The following SYT1 variants were observed in gnomAD, a reference collection of about 807,000 sequenced individuals.
SYT1 encodes the protein synaptotagmin 1.
Under a neutral mutation model 44.8 loss-of-function variants are expected in SYT1, and 8 were observed. That is an observed-to-expected ratio of 0.18 (90% CI 0.10 to 0.32). The LOEUF (loss-of-function observed/expected upper bound fraction) is 0.32. SYT1 is among the 10% of genes least tolerant of loss of function. The pLI, the probability that SYT1 is intolerant of heterozygous loss-of-function variation, is 1.00. For synonymous variants in SYT1, 154 were observed against 188.8 expected (o/e 0.82, Z 1.51); for missense variants, 286 against 509.3 (o/e 0.56, Z 4.22).
intron 1 of SYT1, among the ~76,000 whole-genome samples, chr12:78,867,515 C>G (rs1207929864): frequency 6.6e-6 from 1 of 151,948 alleles, no homozygotes; most frequent in Non-Finnish European, 1.5e-5. Context: ...ACAAAATAGT[C>G]TAATGTCACA....
chr12:79,406,487 A>G (rs1306422663), intron 9 of SYT1, among the ~76,000 whole-genome samples: 2 of 152,192 alleles, frequency 1.3e-5, no homozygotes, highest in Non-Finnish European at 2.9e-5. Context: ...GTTTGAAGAG[A>G]ACCAAGAAAT....
intron 1 of SYT1, among the ~76,000 whole-genome samples, chr12:78,959,992 T>C (rs1013283495): frequency 5.9e-5 from 9 of 152,166 alleles, no homozygotes; most frequent in Non-Finnish European, 1.0e-4. Context: ...TAGGAAAAAC[T>C]GCATTCCAGA....
chr12:79,323,219 C>T (rs1186303864), intron 8 of SYT1, among the ~76,000 whole-genome samples: 3 of 151,814 alleles, frequency 2.0e-5, no homozygotes, highest in African/African-American at 4.8e-5. Context: ...ATGGTAACAG[C>T]ACTTGGGTTT....
chr12:78,946,763 C>G (rs1044803842), intron 1 of SYT1, among the ~76,000 whole-genome samples: 3 of 151,838 alleles, frequency 2.0e-5, no homozygotes, highest in Admixed American at 6.6e-5. Flanking sequence ...ATTCTTAAAC[C>G]CACTAAACTC....
intron 8 of SYT1, among the ~76,000 whole-genome samples, chr12:79,307,978 G>A (rs73351066): frequency 0.011 from 1,618 of 152,286 alleles, 31 homozygotes; most frequent in African/African-American, 0.037. Context: ...GTGCTGAAAT[G>A]AAAGGTGAAC....
rs1197934853 is a variant in SYT1 at position 79,342,039 on chromosome 12, C to T, written c.811-11463C>T. 3.9e-5 allele frequency among the ~76,000 whole-genome samples: 6 copies of T among 151,954 alleles called. No homozygotes were observed. In the East Asian group the frequency reaches 7.7e-4, roughly 20 times the overall value. ...GTGAAGCCTCTGAAAGTGTAGGTGG[C>T]GTGGCACAGTTAATGATATAAAGAA... On this transcript the variant is annotated intron_variant, in intron 8 of 10. Coordinates refer to ENST00000261205, the MANE Select transcript of SYT1 (RefSeq NM_005639.3).
chr12:79,339,397 G>C (rs1461663456), intron 8 of SYT1, among the ~76,000 whole-genome samples: 1 of 152,198 alleles, frequency 6.6e-6, no homozygotes, highest in Non-Finnish European at 1.5e-5. Flanking sequence ...TTGTGGTTTT[G>C]ATTTGCATTT....
chr12:79,316,931 A>G (rs1189168348), intron 8 of SYT1, among the ~76,000 whole-genome samples: 1 of 152,234 alleles, frequency 6.6e-6, no homozygotes, highest in Non-Finnish European at 1.5e-5. Context: ...AAGTCACATC[A>G]ACTCTCTGAG....
At position 79,185,240 on chromosome 12, in the gene SYT1, G is replaced by T. The variant is rs1045615419; in HGVS notation, c.-17-32263G>T. Among the ~76,000 whole-genome samples, 6 of 152,186 alleles carry T rather than the reference G, an allele frequency of 3.9e-5. No individual in the cohort carries two copies. The South Asian group carries it at 1.2e-3, about 32-fold the overall frequency. On this transcript the variant is annotated intron_variant, in intron 3 of 10. Coordinates refer to ENST00000261205, the MANE Select transcript of SYT1 (RefSeq NM_005639.3). ...CTATTTGAATGACAAATAACTAAGT[G>T]CTGGAGATTTATTAAAATGAAATTA...
chr12:78,875,390 T>C (rs1193211826), intron 1 of SYT1, among the ~76,000 whole-genome samples: 1 of 151,498 alleles, frequency 6.6e-6, no homozygotes, highest in Admixed American at 6.6e-5. Context: ...ATGGTACTTA[T>C]ATAATAAATA....
chr12:79,369,299 T>A (rs1000541196), intron 9 of SYT1, among the ~76,000 whole-genome samples: 15 of 151,990 alleles, frequency 9.9e-5, no homozygotes, highest in Non-Finnish European at 1.5e-4. Context: ...CTGGGCAACA[T>A]AGTGAAACCC....
At chr12:78,874,690 G>T (rs1873976520) in intron 1 of SYT1, among the ~76,000 whole-genome samples, 2 of 151,574 alleles carry the variant, frequency 1.3e-5, no homozygotes, top group Admixed American at 1.3e-4. Context: ...TGACCATAAA[G>T]TTCATGAATA....
intron 8 of SYT1, among the ~76,000 whole-genome samples, chr12:79,331,643 G>C (rs569602939): frequency 6.6e-6 from 1 of 152,056 alleles, no homozygotes; most frequent in South Asian, 2.1e-4. Context: ...GAATTTATTA[G>C]ACAATAGTTA....
chr12:79,091,720 T>C (rs1877787441), intron 3 of SYT1, among the ~76,000 whole-genome samples: 1 of 151,970 alleles, frequency 6.6e-6, no homozygotes, highest in Admixed American at 6.6e-5. Context: ...GTCTAAATTG[T>C]AGGTAAATAA....
chr12:79,237,258 G>T (rs1876245836), intron 4 of SYT1, among the ~76,000 whole-genome samples: 2 of 152,236 alleles, frequency 1.3e-5, no homozygotes, highest in South Asian at 4.1e-4. Flanking sequence ...GTTATGCCCT[G>T]TAGGGATTGG....
intron 3 of SYT1, among the ~76,000 whole-genome samples, chr12:79,114,124 T>C (rs545274827): frequency 6.6e-6 from 1 of 152,244 alleles, no homozygotes; most frequent in East Asian, 1.9e-4. Context: ...CCTTGGGTTG[T>C]GGGAACTGCC....
chr12:78,914,795 AT>A (rs1876553784), intron 1 of SYT1, among the ~76,000 whole-genome samples: 1 of 152,034 alleles, frequency 6.6e-6, no homozygotes, highest in Non-Finnish European at 1.5e-5. Flanking sequence ...TTTTCTATGT[AT>A]TTTTATGTAT....
intron 2 of SYT1, among the ~76,000 whole-genome samples, chr12:79,012,427 C>T (rs574405565): frequency 6.6e-5 from 10 of 152,270 alleles, no homozygotes; most frequent in African/African-American, 2.4e-4. Context: ...TTTGACCATA[C>T]ATAGCACAAA....
intron 3 of SYT1, among the ~76,000 whole-genome samples, chr12:79,179,152 A>C (rs1402860888): frequency 1.1e-5 from 1 of 88,614 alleles, no homozygotes; most frequent in Non-Finnish European, 2.4e-5. Flanking sequence ...ATATAGATAT[A>C]TAGATATATA....
Sources: allele counts gnomAD v4.1 joint callset (sites outside exome capture counted in the v4.1 genomes callset), GRCh38; gene constraint gnomAD v4.1.1; transcripts MANE v1.5; gene names NCBI Gene and HGNC (gene_info 2026-07-23, HGNC 2026-07-21).